The following RCL1 variants were observed in gnomAD, a reference collection of about 807,000 sequenced individuals.
The protein encoded by RCL1 is RNA 3'-terminal phosphate cyclase-like protein.
Under a neutral mutation model 42.4 loss-of-function variants are expected in RCL1, and 24 were observed. That is an observed-to-expected ratio of 0.57 (90% confidence interval 0.41 to 0.80). RCL1 has a LOEUF of 0.80. Among genes scored for constraint, RCL1 ranks in the 30% least tolerant of loss-of-function variants. The pLI is 0.00. For synonymous variants in RCL1, 228 were observed against 177.3 expected, an observed-to-expected ratio of 1.29 and a Z score of -2.27; for missense variants, 578 against 467.9, an observed-to-expected ratio of 1.24 and a Z score of -2.17.
chr9:4,836,131 T>C (rs1456557025), intron 5 of RCL1, among the ~76,000 whole-genome samples: 1 of 152,130 alleles, frequency 6.6e-6, no homozygotes, highest in Non-Finnish European at 1.5e-5. Context: ...AAGGCTGTGT[T>C]CCAGCAGTAA....
intron 1 of RCL1, among the ~76,000 whole-genome samples, chr9:4,797,018 A>C (rs1217149479): frequency 1.3e-5 from 2 of 152,112 alleles, no homozygotes; most frequent in African/African-American, 2.4e-5. Flanking sequence ...AAAATCCTTA[A>C]TTTGTCATGG....
At chr9:4,831,678 C>T (rs1342886676) in intron 3 of RCL1, among the ~76,000 whole-genome samples, 3 of 152,094 alleles carry the variant, frequency 2.0e-5, no homozygotes, top group Admixed American at 6.6e-5. Flanking sequence ...CTATGTTGCT[C>T]GGGCTGTAGC....
intron 1 of RCL1, among the ~76,000 whole-genome samples, chr9:4,809,555 G>A (rs938700561): frequency 2.0e-5 from 3 of 152,096 alleles, no homozygotes; most frequent in African/African-American, 4.8e-5. Flanking sequence ...TGATTCGCCC[G>A]CCTCGGCCTC....
intron 8 of RCL1, among the ~76,000 whole-genome samples, chr9:4,859,403 C>T (rs1209244489): frequency 6.6e-6 from 1 of 152,150 alleles, no homozygotes; most frequent in Non-Finnish European, 1.5e-5. Flanking sequence ...TTTATCTAGT[C>T]TCTATCTATA....
chr9:4,846,427 T>C (rs1817514412), intron 7 of RCL1, among the ~76,000 whole-genome samples: 1 of 152,228 alleles, frequency 6.6e-6, no homozygotes. Context: ...TCAGATGTTT[T>C]GGTGCTAAAT....
intron 5 of RCL1, among the ~76,000 whole-genome samples, chr9:4,837,514 T>G (rs1375145767): frequency 6.6e-6 from 1 of 152,176 alleles, no homozygotes; most frequent in African/African-American, 2.4e-5. Flanking sequence ...GAACTTTGTT[T>G]GGAATCCAGT....
chr9:4,847,432 C>A (rs1362376005), intron 7 of RCL1, among the ~76,000 whole-genome samples: 1 of 152,058 alleles, frequency 6.6e-6, no homozygotes, highest in African/African-American at 2.4e-5. Flanking sequence ...CTGATCTAAT[C>A]CCCCCTGTTC....
chr9:4,828,161 G>A (rs117433635), intron 3 of RCL1, among the ~76,000 whole-genome samples: 1,857 of 125,624 alleles, frequency 0.015, 18 homozygotes, highest in South Asian at 0.044. Flanking sequence ...GCGAGACTCC[G>A]TCTCAAAAAA....
chr9:4,859,831 C>G (rs967252822), intron 8 of RCL1, among the ~76,000 whole-genome samples: 2 of 152,130 alleles, frequency 1.3e-5, no homozygotes, highest in African/African-American at 4.8e-5. Flanking sequence ...ATATTTCTGT[C>G]CATTTTCTGC....
At chr9:4,801,508 A>G (rs1454359379) in intron 1 of RCL1, among the ~76,000 whole-genome samples, 2 of 152,106 alleles carry the variant, frequency 1.3e-5, no homozygotes, top group African/African-American at 4.8e-5. Flanking sequence ...ACTACTTTAT[A>G]TATGCTAGTC....
At chr9:4,846,739 C>T (rs999176906) in intron 7 of RCL1, among the ~76,000 whole-genome samples, 1 of 152,110 alleles carries the variant, frequency 6.6e-6, no homozygotes, top group African/African-American at 2.4e-5. Flanking sequence ...TTAGAAGCAT[C>T]ACATTATACA....
intron 1 of RCL1, among the ~76,000 whole-genome samples, chr9:4,810,290 G>A (rs369568290): frequency 4.8e-4 from 73 of 152,270 alleles, no homozygotes; most frequent in African/African-American, 1.6e-3. Context: ...TATTACCCAT[G>A]AAAAGAAACA....
intron 1 of RCL1, among the ~76,000 whole-genome samples, chr9:4,811,804 A>C (rs573494795): frequency 9.8e-5 from 15 of 152,344 alleles, no homozygotes; most frequent in African/African-American, 3.6e-4. Flanking sequence ...ATACTAATTT[A>C]CATTTCCACC....
chr9:4,833,480 C>T (rs1012791251), intron 4 of RCL1, among the ~76,000 whole-genome samples: 7 of 152,192 alleles, frequency 4.6e-5, no homozygotes, highest in African/African-American at 1.7e-4. Flanking sequence ...TTTACAAATA[C>T]TAACTCCTTT....
At position 4,849,426 on chromosome 9, in the gene RCL1, A is replaced by G. The variant is rs779125948; in HGVS notation, c.868-21A>G. ...GGCTTTCCATTTTCTGGTTTGTACA[A>G]TTATTAATTTGTGTTTACAGGGTGG... is the stretch of plus-strand genomic sequence containing the variant. On this transcript the variant is annotated intron_variant, in intron 7 of 8. Transcript: ENST00000381750. 22 of 1,589,662 alleles carry G rather than the reference A, an allele frequency of 1.4e-5. No homozygotes were observed. In the South Asian group the frequency reaches 2.1e-4, roughly 15 times the overall value.
chr9:4,817,547 C>T (rs930608656), intron 1 of RCL1, among the ~76,000 whole-genome samples: 1 of 151,388 alleles, frequency 6.6e-6, no homozygotes, highest in Admixed American at 6.6e-5. Context: ...CATCATGGCT[C>T]ACTTCAGCCT....
intron 5 of RCL1, among the ~76,000 whole-genome samples, chr9:4,838,154 G>A (rs528551270): frequency 1.3e-5 from 2 of 152,322 alleles, no homozygotes; most frequent in African/African-American, 4.8e-5. Context: ...AAGCTTGGAG[G>A]TTGTATTTCC....
At chr9:4,807,813 C>A (rs1816034290) in intron 1 of RCL1, among the ~76,000 whole-genome samples, 1 of 152,214 alleles carries the variant, frequency 6.6e-6, no homozygotes, top group South Asian at 2.1e-4. Context: ...GCCCCCGCGC[C>A]TGGCAGCTAT....
At chr9:4,821,333 T>A (rs1251161162) in intron 1 of RCL1, among the ~76,000 whole-genome samples, 2 of 152,106 alleles carry the variant, frequency 1.3e-5, no homozygotes, top group Non-Finnish European at 2.9e-5. Flanking sequence ...CACTTTCTGG[T>A]CATATGATCA....
Sources: allele counts gnomAD v4.1 joint callset (sites outside exome capture counted in the v4.1 genomes callset), GRCh38; gene constraint gnomAD v4.1.1; transcripts MANE v1.5; gene names NCBI Gene and HGNC (gene_info 2026-07-23, HGNC 2026-07-21).